BMX: variants seen among roughly 807,000 people sequenced by gnomAD.
The protein encoded by BMX is cytoplasmic tyrosine-protein kinase BMX.
Under a neutral mutation model 59.2 loss-of-function variants are expected in BMX, and 31 were observed. The ratio of observed to expected loss-of-function variants is 0.52; its 90% CI spans 0.39 to 0.71. The LOEUF is 0.71. Among genes scored for constraint, BMX ranks in the 30% least tolerant of loss-of-function variants. The probability of loss-of-function intolerance (pLI) is 0.00; values close to 1 mark genes in which losing one functional copy is unlikely to be tolerated. For synonymous variants in BMX, 185 were observed against 181.0 expected, an observed-to-expected ratio of 1.02 and a Z score of -0.18; for missense variants, 474 against 491.7, an observed-to-expected ratio of 0.96 and a Z score of 0.34.
At chrX:15,508,073 G>A (rs982961802) in intron 1 of BMX, among the ~76,000 whole-genome samples, 1 of 111,836 alleles carries the variant, frequency 8.9e-6, no homozygotes, top group African/African-American at 3.3e-5. Context: ...TGGAGAATGG[G>A]GCAAAGATGA....
At chrX:15,510,190 T>C (rs1001469113) in intron 3 of BMX, among the ~76,000 whole-genome samples, 2 of 111,797 alleles carry the variant, frequency 1.8e-5, no homozygotes, top group African/African-American at 6.5e-5. Flanking sequence ...ATGCTGGTAG[T>C]ACCTTTTGGA....
Position 15,549,906 on chromosome X carries a change from T to A in BMX, c.1862T>A (p.Val621Glu). 1 of 1,210,254 alleles carries A rather than the reference T, an allele frequency of 8.3e-7. No homozygotes were observed. Among genetic ancestry groups the A allele is most frequent in the South Asian group, 1.8e-5 (1 of 56,595 alleles). ...TATGACTTGTATGACAACTCCCAGG[T>A]GGTTCTGAAGGTCTCCCAGGGCCAC... ...QPYDLYDNSQ[V>E]VLKVSQGHRL... The change falls in exon 18 of 19, where the codon GTG (valine) becomes GAG (glutamate). Residue 621 changes from valine to glutamate, a missense_variant. By Grantham distance (121) the Val-to-Glu change is moderately radical. Transcript: ENST00000348343.
intron 6 of BMX, among the ~76,000 whole-genome samples, chrX:15,520,984 GA>G (rs1924421146): frequency 1.8e-5 from 2 of 110,575 alleles, no homozygotes; most frequent in African/African-American, 3.3e-5. Context: ...AATATAGCAT[GA>G]AAAAAATATT....
intron 14 of BMX, among the ~76,000 whole-genome samples, chrX:15,538,936 G>T (rs1053965111): frequency 9.0e-6 from 1 of 111,298 alleles, no homozygotes; most frequent in African/African-American, 3.3e-5. Context: ...GTACCTAGAA[G>T]GGCACAGTAC....
intron 4 of BMX, 63 bp from the exon 5 acceptor site, chrX:15,516,049 G>A: frequency 3.4e-6 from 4 of 1,186,621 alleles, no homozygotes; most frequent in Non-Finnish European, 4.6e-6. Flanking sequence ...AGCACTTACT[G>A]AATGTTTCTC....
intron 2 of BMX, 118 bp downstream of exon 2, chrX:15,508,609 T>G (rs1923831565): frequency 3.9e-6 from 2 of 509,084 alleles, no homozygotes; most frequent in Non-Finnish European, 6.1e-6. Context: ...GTGAAGATCC[T>G]CTTCTATCCA....
At chrX:15,527,269 TATATATATATATATACAC>T (rs1924818321) in intron 9 of BMX, among the ~76,000 whole-genome samples, 2 of 33,517 alleles carry the variant, frequency 6.0e-5, no homozygotes, top group African/African-American at 2.4e-4. Context: ...TATATATATA[TATATATATATATATACAC>T]ACACACACAC....
At chrX:15,531,489 A>C in intron 11 of BMX, 82 bp downstream of exon 11, 1 of 829,055 alleles carries the variant, frequency 1.2e-6, no homozygotes, top group Admixed American at 2.6e-5. Flanking sequence ...TTTTGGGATA[A>C]GACATCATCT....
At chrX:15,538,066 C>T (rs945651175) in intron 14 of BMX, among the ~76,000 whole-genome samples, 4 of 110,824 alleles carry the variant, frequency 3.6e-5, no homozygotes, top group African/African-American at 1.3e-4. Context: ...CCTAATGTGT[C>T]TCAGCTCCCA....
intron 18 of BMX, 137 bp downstream of exon 18, chrX:15,550,134 C>G: frequency 1.3e-6 from 1 of 755,406 alleles, no homozygotes; most frequent in Non-Finnish European, 1.8e-6. Flanking sequence ...AGCCCCTGCC[C>G]TAAAATGTTT....
chrX:15,507,292 C>T (rs1030823542), intron 1 of BMX: 1 of 737,335 alleles, frequency 1.4e-6, no homozygotes, highest in Non-Finnish European at 1.6e-6. Flanking sequence ...TAATGCATGA[C>T]CCTGGCATAG....
rs1382332111 is a variant in BMX at position 15,522,552 on chromosome X, C to T, written c.717C>T (p.Asp239=). 5 of 1,211,892 alleles carry T rather than the reference C, an allele frequency of 4.1e-6. No homozygotes were observed. Among genetic ancestry groups the T allele is most frequent in the Admixed American group, 4.3e-5 (2 of 46,036 alleles). ...ACATGCAGTATATTCCAAGGGAAGA[C>T]TTCCCTGACTGGTGGCAAGTAAGAA... The part of the protein sequence containing the change: ...NFNMQYIPRE[D]FPDWWQVRKL... The change falls in exon 7 of 19, where the codon GAC becomes GAT. Residue 239 remains aspartate, a synonymous_variant. Transcript: ENST00000348343.
intron 2 of BMX, among the ~76,000 whole-genome samples, chrX:15,509,045 C>T (rs1411891510): frequency 8.9e-6 from 1 of 112,147 alleles, no homozygotes; most frequent in Non-Finnish European, 1.9e-5. Context: ...GAAGTTAAAT[C>T]TTGATTTTCC....
In BMX at chrX:15,536,419, T is replaced by C; in HGVS notation, c.1214T>C (p.Leu405Pro). The C allele has an allele frequency of 8.3e-7, 1 of 1,204,905 alleles. No homozygotes were observed. Among genetic ancestry groups the C allele is most frequent in the Non-Finnish European group, 1.1e-6 (1 of 890,761 alleles). ...AACAAGGTCCCCGACTCTGTGTCCC[T>C]GGGAAATGGTATGGATACATACTTG... ...KANKVPDSVSLGNGIWELKRE... is the reference protein window; with the variant it reads ...KANKVPDSVSPGNGIWELKRE... The change falls in exon 13 of 19, where the codon CTG becomes CCG. Residue 405 changes from leucine (L) to proline (P), a missense_variant. Transcript: ENST00000348343.
chrX:15,527,819 C>G (rs1032352948), intron 9 of BMX, among the ~76,000 whole-genome samples: 12 of 111,853 alleles, frequency 1.1e-4, no homozygotes, highest in Admixed American at 2.8e-4. Flanking sequence ...CCTTCTAGCT[C>G]TCTTTCGGCT....
rs1354121191 is a variant in BMX at position 15,537,169 on chromosome X, T to C, written c.1258T>C (p.Leu420=). Residue 420 remains leucine (L), a synonymous_variant, in exon 14 of 19, where the codon TTG becomes CTG. Transcript: ENST00000348343. ...WELKREEITL[L]KELGSGQFGV... is the part of the protein sequence containing the mutation. ...ACTGAAAAGAGAAGAGATTACCTTGTTGAAGGAGCTGGGAAGTGGCCAGTT... is the reference window on the plus strand; with the variant it reads ...ACTGAAAAGAGAAGAGATTACCTTGCTGAAGGAGCTGGGAAGTGGCCAGTT... 2 of 1,210,818 alleles carry C rather than the reference T, an allele frequency of 1.7e-6. No individual in the cohort carries two copies. Among genetic ancestry groups the C allele is most frequent in the South Asian group, 1.8e-5 (1 of 56,921 alleles).
rs1459171890 is a variant in BMX at position 15,531,327 on chromosome X, G to A, written c.940-1G>A. On this transcript the variant is annotated splice_acceptor_variant, in intron 10 of 18. Coordinates refer to ENST00000348343, the MANE Select transcript of BMX (RefSeq NM_203281.3). LOFTEE classifies it high-confidence loss of function. ...CCTTCTATATTTTCCTTCCTTTTCA[G>A]GGAAAAGAAGGAGCATTTATGGTTA... 8.4e-7 allele frequency: 1 copy of A among 1,192,853 alleles called. No individual in the cohort carries two copies. The highest frequency in any genetic ancestry group is 1.1e-6 in the Non-Finnish European group (1 of 881,808).
chrX:15,526,147 T>C (rs369752913), intron 9 of BMX, 52 bp downstream of exon 9: 2 of 1,074,057 alleles, frequency 1.9e-6, no homozygotes, highest in African/African-American at 1.8e-5. Flanking sequence ...TAGATACTTC[T>C]ACTCTCTTCC....
intron 5 of BMX, among the ~76,000 whole-genome samples, chrX:15,516,599 T>C (rs1018395781): frequency 3.6e-5 from 4 of 110,663 alleles, no homozygotes; most frequent in Non-Finnish European, 7.6e-5. Context: ...AACAGCTAGG[T>C]TTCCAGTTTG....
Sources: gnomAD v4.1 joint callset for allele counts (sites outside exome capture counted in the v4.1 genomes callset) on GRCh38, gnomAD v4.1.1 for gene constraint, MANE v1.5 for transcripts, NCBI Gene and HGNC (gene_info 2026-07-23, HGNC 2026-07-21) for gene names.